DCDC1: variants seen among roughly 807,000 people sequenced by gnomAD.
DCDC1 encodes the protein doublecortin domain-containing protein 1.
Under a neutral mutation model 178.3 loss-of-function variants are expected in DCDC1, and 200 were observed. The ratio of observed to expected loss-of-function variants is 1.12; its 90% confidence interval spans 1.00 to 1.26. The LOEUF (loss-of-function observed/expected upper bound fraction) is 1.26. Ranked by LOEUF, DCDC1 falls within the 50% of genes most tolerant of loss-of-function variation. The pLI, the probability that DCDC1 is intolerant of heterozygous loss-of-function variation, is 0.00. For missense variants in DCDC1, 1,983 were observed against 1,749.2 expected (o/e 1.13, Z -2.38); for synonymous variants, 690 against 604.8 (o/e 1.14, Z -2.07).
intron 20 of DCDC1, among the ~76,000 whole-genome samples, chr11:31,054,136 A>G (rs978745253): frequency 6.6e-6 from 1 of 152,106 alleles, no homozygotes; most frequent in Non-Finnish European, 1.5e-5. Flanking sequence ...TTCCAGATAC[A>G]AGATTAATGT....
intron 20 of DCDC1, chr11:30,992,401 C>T (rs1416275263): frequency 6.6e-6 from 1 of 152,160 alleles, no homozygotes; most frequent in Non-Finnish European, 1.5e-5. Context: ...ATCTGACTTC[C>T]AAGGAGTTAT....
At chr11:31,022,641 G>GTT (rs1491573909) in intron 20 of DCDC1, among the ~76,000 whole-genome samples, 1 of 119,606 alleles carries the variant, frequency 8.4e-6, no homozygotes, top group South Asian at 2.9e-4. Flanking sequence ...GTGTCTTTTA[G>GTT]TTTGTGTGTG....
At chr11:31,290,952 G>A (rs1947187032) in intron 6 of DCDC1, 100 bp from the exon 7 acceptor site, 2 of 1,040,524 alleles carry the variant, frequency 1.9e-6, no homozygotes, top group South Asian at 3.4e-5. Context: ...TTATACACTG[G>A]CCAGTCTCCA....
intron 9 of DCDC1, among the ~76,000 whole-genome samples, chr11:31,227,029 G>A (rs989151269): frequency 1.4e-4 from 21 of 152,026 alleles, no homozygotes; most frequent in Admixed American, 1.4e-3. Context: ...TTCAAAGATG[G>A]AGTATAAAAA....
chr11:31,293,361 C>CT (rs1947369361), intron 6 of DCDC1, among the ~76,000 whole-genome samples: 1 of 152,204 alleles, frequency 6.6e-6, no homozygotes, highest in South Asian at 2.1e-4. Context: ...TTAGAAAGAG[C>CT]AAGAAACCAC....
chr11:31,137,303 A>G lies in DCDC1; in HGVS notation c.1314+389T>C, dbSNP rs142628340. On this transcript the variant is annotated intron_variant, in intron 10 of 38. Transcript: ENST00000684477. ...TTCAGTTAACAAGAGTTGATTTACT[A>G]TAAGACTCAAAGTAAAATTTATCTT... Among the ~76,000 whole-genome samples, 58 of 151,338 alleles carry G rather than the reference A, an allele frequency of 3.8e-4. No homozygotes were observed. The East Asian group carries it at 0.011, about 28-fold the overall frequency.
intron 5 of DCDC1, 129 bp downstream of exon 5, chr11:31,306,103 T>A: frequency 3.2e-6 from 3 of 934,186 alleles, no homozygotes; most frequent in Non-Finnish European, 4.4e-6. Flanking sequence ...GAAATCTACG[T>A]ATATATAAGC....
chr11:31,033,413 T>C (rs1191460515), intron 20 of DCDC1, among the ~76,000 whole-genome samples: 1 of 152,158 alleles, frequency 6.6e-6, no homozygotes, highest in Non-Finnish European at 1.5e-5. Flanking sequence ...TGATTTTGAT[T>C]TTTCTATTTT....
At chr11:31,213,124 T>TCTCTC (rs1972908784) in intron 9 of DCDC1, among the ~76,000 whole-genome samples, 1 of 130,922 alleles carries the variant, frequency 7.6e-6, no homozygotes, top group Admixed American at 7.6e-5. Flanking sequence ...TCTCTCTCTC[T>TCTCTC]CTCTCTCTCT....
At chr11:31,333,779 T>C (rs1950128606) in intron 2 of DCDC1, among the ~76,000 whole-genome samples, 1 of 152,198 alleles carries the variant, frequency 6.6e-6, no homozygotes, top group Non-Finnish European at 1.5e-5. Flanking sequence ...CCTTTGTGGG[T>C]AACCCGACCT....
intron 25 of DCDC1, among the ~76,000 whole-genome samples, chr11:30,917,853 T>C (rs1945961483): frequency 6.6e-6 from 1 of 152,200 alleles, no homozygotes; most frequent in Non-Finnish European, 1.5e-5. Context: ...TGTCATAATT[T>C]GATGTAACTA....
intron 11 of DCDC1, among the ~76,000 whole-genome samples, chr11:31,115,879 A>C (rs565673313): frequency 1.3e-5 from 2 of 151,546 alleles, no homozygotes; most frequent in South Asian, 4.2e-4. Flanking sequence ...TGTACCAACC[A>C]AATGTTGGAT....
At position 31,290,783 on chromosome 11, in the gene DCDC1, C is replaced by A. The variant is rs777989162; in HGVS notation, c.824G>T (p.Arg275Ile). Residue 275 changes from arginine to isoleucine, a missense_variant, in exon 7 of 39, where the codon AGA becomes ATA. Transcript: ENST00000684477. The stretch of plus-strand genomic sequence containing the variant: ...AGAAAGAACAGGCTTGGTTTTCCGT[C>A]TTTTGATATCAGTAGGAAGCATCAA... Reference protein sequence around the residue: ...NGLMLPTDIKRRKTKPVLSIR... With the variant: ...NGLMLPTDIKIRKTKPVLSIR... 1.2e-6 allele frequency: 2 copies of A among 1,613,442 alleles called. No homozygotes were observed. Among genetic ancestry groups the A allele is most frequent in the South Asian group, 2.2e-5 (2 of 91,038 alleles).
intron 18 of DCDC1, among the ~76,000 whole-genome samples, chr11:31,076,885 C>A (rs1196761579): frequency 6.6e-6 from 1 of 152,058 alleles, no homozygotes; most frequent in Non-Finnish European, 1.5e-5. Context: ...CACAGAGGAA[C>A]TCACTCTCCC....
chr11:31,019,495 G>A (rs377425518), intron 20 of DCDC1, among the ~76,000 whole-genome samples: 3 of 152,158 alleles, frequency 2.0e-5, no homozygotes, highest in Admixed American at 6.5e-5. Flanking sequence ...GGTGGGGTGG[G>A]GAGGTGGTGC....
intron 6 of DCDC1, among the ~76,000 whole-genome samples, chr11:31,294,755 AG>A (rs1173734697): frequency 6.7e-6 from 1 of 149,210 alleles, no homozygotes; most frequent in African/African-American, 2.5e-5. Context: ...AGGAAAAGAA[AG>A]AAATAGAAAG....
At chr11:31,315,831 G>C (rs1176005551) in intron 3 of DCDC1, among the ~76,000 whole-genome samples, 2 of 83,162 alleles carry the variant, frequency 2.4e-5, no homozygotes. Flanking sequence ...ACAGTCCCCA[G>C]AGTGTGATAT....
At chr11:31,148,451 C>T (rs2136078757) in intron 9 of DCDC1, among the ~76,000 whole-genome samples, 1 of 151,844 alleles carries the variant, frequency 6.6e-6, no homozygotes, top group East Asian at 1.9e-4. Context: ...TTGCAGTGAG[C>T]CAAGACTGTA....
chr11:30,932,072 T>C lies in DCDC1; in HGVS notation c.2716-120A>G, dbSNP rs1201249862. On this transcript the variant is annotated intron_variant, in intron 21 of 38. Coordinates refer to ENST00000684477, the MANE Select transcript of DCDC1 (RefSeq NM_001387274.1). ...CTCTCATTCATTCAACAAAAATGTA[T>C]TGGGGTACCTAAGATGCTCCAGACA... 2.5e-5 allele frequency: 21 copies of C among 842,010 alleles called. No homozygotes were observed. In the South Asian group the frequency reaches 5.1e-4, roughly 21 times the overall value. 52.2% of individuals were successfully genotyped at this position (842,010 alleles called of 1,614,324 possible).
Sources: gnomAD v4.1 joint callset for allele counts (sites outside exome capture counted in the v4.1 genomes callset) on GRCh38, gnomAD v4.1.1 for gene constraint, MANE v1.5 for transcripts, NCBI Gene and HGNC (gene_info 2026-07-23, HGNC 2026-07-21) for gene names.